Variants in ZBTB7C observed in about 807,000 individuals in gnomAD.
ZBTB7C encodes the protein zinc finger and BTB domain-containing protein 7C.
In ZBTB7C, 8 loss-of-function variants were observed where a neutral mutation model predicts 25.7. That is an observed-to-expected ratio of 0.31 (90% confidence interval 0.18 to 0.56). The LOEUF is 0.56. Among genes scored for constraint, ZBTB7C ranks in the 20% least tolerant of loss-of-function variants. ZBTB7C has a pLI of 0.91. For synonymous variants in ZBTB7C, 394 were observed against 369.0 expected, an observed-to-expected ratio of 1.07 and a Z score of -0.78; for missense variants, 824 against 855.2, an observed-to-expected ratio of 0.96 and a Z score of 0.46.
intron 2 of ZBTB7C, among the ~76,000 whole-genome samples, chr18:48,208,039 G>T (rs893256423): frequency 3.6e-5 from 5 of 138,840 alleles, no homozygotes; most frequent in Admixed American, 3.0e-4. Context: ...GGGGTGTGTT[G>T]GGGGGCAATG....
intron 3 of ZBTB7C, among the ~76,000 whole-genome samples, chr18:48,166,469 C>A (rs11661007): frequency 0.034 from 5,186 of 152,224 alleles, 99 homozygotes; most frequent in Non-Finnish European, 0.038. Flanking sequence ...GCTTCTCAGA[C>A]CCCCGGTTTC....
At chr18:48,284,745 C>T (rs34719661) in intron 2 of ZBTB7C, among the ~76,000 whole-genome samples, 1,423 of 139,814 alleles carry the variant, frequency 0.01, 10 homozygotes, top group Non-Finnish European at 0.015. Flanking sequence ...GAGCCAAGAT[C>T]GTACCACAGC....
At chr18:48,170,660 A>G (rs1258627619) in intron 3 of ZBTB7C, among the ~76,000 whole-genome samples, 1 of 152,094 alleles carries the variant, frequency 6.6e-6, no homozygotes, top group Non-Finnish European at 1.5e-5. Context: ...AGAGCCATTG[A>G]CACCTTAACA....
At chr18:48,051,093 C>T (rs1387824553) in intron 3 of ZBTB7C, among the ~76,000 whole-genome samples, 1 of 152,172 alleles carries the variant, frequency 6.6e-6, no homozygotes, top group African/African-American at 2.4e-5. Context: ...GACCTCCAGC[C>T]CCAACATCAT....
chr18:48,055,410 C>CAAAAAAA (rs57782791), intron 3 of ZBTB7C, among the ~76,000 whole-genome samples: 3 of 72,776 alleles, frequency 4.1e-5, no homozygotes, highest in Admixed American at 3.2e-4. Context: ...ACTCAAGTCT[C>CAAAAAAA]AAAAAAAAAA....
intron 2 of ZBTB7C, among the ~76,000 whole-genome samples, chr18:48,319,777 TA>T (rs1321432311): frequency 1.3e-5 from 2 of 152,024 alleles, no homozygotes; most frequent in Admixed American, 1.3e-4. Flanking sequence ...ATTACATTAA[TA>T]AAAACAACCA....
intron 3 of ZBTB7C, among the ~76,000 whole-genome samples, chr18:48,082,195 C>T (rs2038017342): frequency 6.6e-6 from 1 of 152,128 alleles, no homozygotes; most frequent in South Asian, 2.1e-4. Flanking sequence ...ATACACTGTC[C>T]CCTTGCACAG....
At chr18:48,119,451 TC>T (rs1360910890) in intron 3 of ZBTB7C, among the ~76,000 whole-genome samples, 2 of 152,198 alleles carry the variant, frequency 1.3e-5, no homozygotes, top group Non-Finnish European at 2.9e-5. Context: ...ACACATTCCT[TC>T]CCCTGAAACC....
intron 2 of ZBTB7C, among the ~76,000 whole-genome samples, chr18:48,244,266 T>A (rs11665009): frequency 0.021 from 3,224 of 152,064 alleles, 61 homozygotes; most frequent in Middle Eastern, 0.041. Flanking sequence ...ATACAAAAAA[T>A]TAGCCAGGTG....
chr18:48,329,155 C>A (rs2046290196), intron 2 of ZBTB7C, among the ~76,000 whole-genome samples: 1 of 152,210 alleles, frequency 6.6e-6, no homozygotes, highest in African/African-American at 2.4e-5. Context: ...TCACCACCAT[C>A]TCCTCAAAAG....
intron 3 of ZBTB7C, among the ~76,000 whole-genome samples, chr18:48,095,995 C>T (rs559681026): frequency 6.6e-6 from 1 of 152,288 alleles, no homozygotes; most frequent in South Asian, 2.1e-4. Flanking sequence ...TCACCAACCT[C>T]TCCTCAAAGC....
chr18:48,077,618 C>A (rs1411767480), intron 3 of ZBTB7C, among the ~76,000 whole-genome samples: 1 of 152,154 alleles, frequency 6.6e-6, no homozygotes. Context: ...GGAAGGTCAC[C>A]AAAGAGGGTA....
At chr18:48,373,869 G>A (rs1255925872) in intron 1 of ZBTB7C, among the ~76,000 whole-genome samples, 5 of 152,050 alleles carry the variant, frequency 3.3e-5, no homozygotes, top group African/African-American at 2.4e-5. Context: ...GCTAAGGAAG[G>A]AGAATGGCGT....
chr18:48,090,521 G>C (rs1451096859), intron 3 of ZBTB7C, among the ~76,000 whole-genome samples: 1 of 152,194 alleles, frequency 6.6e-6, no homozygotes, highest in East Asian at 1.9e-4. Context: ...CCCTGCTGTG[G>C]GCCTCTAGCT....
chr18:48,275,368 C>T (rs1212692308), intron 2 of ZBTB7C, among the ~76,000 whole-genome samples: 2 of 152,146 alleles, frequency 1.3e-5, no homozygotes, highest in Non-Finnish European at 1.5e-5. Context: ...CATCTGTCAG[C>T]GAATTTCAAT....
chr18:48,194,443 A>G (rs2042270458), intron 2 of ZBTB7C, among the ~76,000 whole-genome samples: 1 of 152,230 alleles, frequency 6.6e-6, no homozygotes, highest in Admixed American at 6.5e-5. Context: ...CCACTTTCAT[A>G]GCTGGGGGGA....
intron 2 of ZBTB7C, among the ~76,000 whole-genome samples, chr18:48,251,410 G>T (rs1036616868): frequency 6.6e-6 from 1 of 152,166 alleles, no homozygotes; most frequent in Non-Finnish European, 1.5e-5. Flanking sequence ...AAATGATTTA[G>T]GCAGATAGTG....
chr18:48,305,176 T>C (rs952265536), intron 2 of ZBTB7C, among the ~76,000 whole-genome samples: 4 of 152,236 alleles, frequency 2.6e-5, no homozygotes, highest in African/African-American at 7.2e-5. Flanking sequence ...AAACCTCAAA[T>C]TGATTCTGAA....
intron 4 of ZBTB7C, among the ~76,000 whole-genome samples, chr18:48,038,813 G>A (rs1034394600): frequency 2.0e-4 from 30 of 152,148 alleles, no homozygotes; most frequent in African/African-American, 6.0e-4. Context: ...AGTAAGTCAT[G>A]TTCACAGGGC....
Sources: gnomAD v4.1 joint callset for allele counts (sites outside exome capture counted in the v4.1 genomes callset) on GRCh38, gnomAD v4.1.1 for gene constraint, MANE v1.5 for transcripts, NCBI Gene and HGNC (gene_info 2026-07-23, HGNC 2026-07-21) for gene names.